BCL6: variants seen among roughly 807,000 people sequenced by gnomAD.
The protein encoded by BCL6 is BCL6 transcription repressor, also known as B-cell lymphoma 6 protein.
In BCL6, 7 loss-of-function variants were observed where a neutral mutation model predicts 59.5. The ratio of observed to expected loss-of-function variants is 0.12; its 90% CI spans 0.07 to 0.22. The LOEUF (loss-of-function observed/expected upper bound fraction) is 0.22, where lower values mean the gene tolerates loss of function less well. Among genes scored for constraint, BCL6 ranks in the 10% least tolerant of loss-of-function variants. The pLI, the probability that BCL6 is intolerant of heterozygous loss-of-function variation, is 1.00. For synonymous variants in BCL6, 339 were observed against 349.7 expected (o/e 0.97, Z 0.34); for missense variants, 685 against 939.4 (o/e 0.73, Z 3.54).
Position 187,722,404 on chromosome 3 carries a change from C to T in BCL6, c.*54G>A. 1 of 1,462,182 alleles carries T rather than the reference C, an allele frequency of 6.8e-7. No homozygotes were observed. 90.6% of individuals were successfully genotyped at this position (1,462,182 alleles called of 1,614,324 possible). ...GAACATTGTAAAGTGTTACAGTATC[C>T]TTTGGGTAGATTCTGAGAAGGGGCT... On this transcript the variant is annotated 3_prime_UTR_variant, in exon 10 of 10. Coordinates refer to ENST00000406870, the MANE Select transcript of BCL6 (RefSeq NM_001706.5).
rs2229362 is a variant in BCL6 at position 187,728,423 on chromosome 3, C to T, written c.1477G>A (p.Ala493Thr). 251,122 of 1,610,620 alleles carry T rather than the reference C, an allele frequency of 0.16. 22,858 individuals carry two copies. The highest frequency in any genetic ancestry group is 0.41 in the African/African-American group (31,045 of 74,808). The change falls in exon 6 of 10, where the codon GCT (alanine) becomes ACT (threonine). Residue 493 changes from alanine to threonine, a missense_variant. Ala to Thr is a moderately conservative substitution (Grantham distance 58, BLOSUM62 0). Coordinates refer to ENST00000406870, the MANE Select transcript of BCL6 (RefSeq NM_001706.5). ...ATCTCCTCAGGGAACGTGGGGCCAG[C>T]GGTGTGGAGGCACATCTCTGCATGC... ...PQHAEMCLHT[A>T]GPTFPEEMGE...
chr3:187,741,814 A>C (rs1560159052), intron 1 of BCL6, among the ~76,000 whole-genome samples: 1 of 152,128 alleles, frequency 6.6e-6, no homozygotes. Flanking sequence ...AAACTACAGC[A>C]TTTCCAGCCA....
At position 187,729,485 on chromosome 3, in the gene BCL6, G is replaced by C. The variant is rs779829722; in HGVS notation, c.920C>G (p.Ser307Cys). 6.2e-7 allele frequency: 1 copy of C among 1,612,870 alleles called. No individual in the cohort carries two copies. The highest frequency in any genetic ancestry group is 1.1e-5 in the South Asian group (1 of 91,044). Residue 307 changes from serine to cysteine, a missense_variant, in exon 5 of 10, where the codon TCC becomes TGC. Ser to Cys is a moderately radical substitution (Grantham distance 112). Around this residue, in one of 7 missense-constraint regions of BCL6, gnomAD observed 268 missense variants for 263.8 expected, o/e 1.02. Transcript: ENST00000406870. The surrounding 1 kb of genome is among the most constrained non-coding windows in gnomAD (Gnocchi z 5.6). ...DKASKEEERPSSEDEIALHFE... is the reference protein window; with the variant it reads ...DKASKEEERPCSEDEIALHFE... ...ATGCAGGGCAATCTCATCTTCCGAG[G>C]AGGGTCTCTCTTCTTCTTTGCTGGC...
rs1718634214 is a variant in BCL6 at position 187,725,413 on chromosome 3, CACT to C, written c.1839+83_1839+85del. Reference sequence around the variant, plus strand: ...TGCCTGCCCGCTCCACTTGCCTGCCCACTCCTCCGCTTGCCTGCCCACTCCTCC... The same window carrying C: ...TGCCTGCCCGCTCCACTTGCCTGCCCCCTCCGCTTGCCTGCCCACTCCTCC... On this transcript the variant is annotated intron_variant, in intron 8 of 9. Transcript: ENST00000406870. The surrounding 1 kb of genome is among the most constrained non-coding windows in gnomAD (Gnocchi z 4.7). 4 of 1,576,084 alleles carry C rather than the reference CACT, an allele frequency of 2.5e-6. No homozygotes were observed. Among genetic ancestry groups the C allele is most frequent in the Admixed American group, 1.8e-5 (1 of 56,998 alleles).
At chr3:187,740,058 C>T (rs1455209360) in intron 1 of BCL6, among the ~76,000 whole-genome samples, 1 of 152,196 alleles carries the variant, frequency 6.6e-6, no homozygotes, top group East Asian at 1.9e-4. Flanking sequence ...CCCGCCGACC[C>T]GGGCGGGGGC....
chr3:187,744,446 A>G (rs1461574508), intron 1 of BCL6, among the ~76,000 whole-genome samples: 4 of 152,242 alleles, frequency 2.6e-5, no homozygotes, highest in African/African-American at 9.6e-5. Context: ...AAAGTGTTCA[A>G]CATCCCCGCC....
rs1718615577 is a variant in BCL6 at position 187,725,202 on chromosome 3, G to A, written c.1840-124C>T. 4.3e-6 allele frequency: 6 copies of A among 1,408,994 alleles called. No individual in the cohort carries two copies. The highest frequency in any genetic ancestry group is 1.4e-5 in the African/African-American group (1 of 70,412). The allele number at this position is 1,408,994 out of a possible 1,614,324, so 87.3% of individuals were successfully genotyped here. A position where few individuals can be genotyped will look rare whatever the true frequency, so the allele number is the denominator to read the frequency against. On this transcript the variant is annotated intron_variant, in intron 8 of 9. Transcript: ENST00000406870. The surrounding 1 kb of genome is among the most constrained non-coding windows in gnomAD (Gnocchi z 4.7). ...GGCCACTCTGCTCACCTGCACACAG[G>A]GACTGAGTGGGCCTTTCTGCTGCCC...
At chr3:187,737,644 CCCG>C (rs1719353000) in intron 1 of BCL6, 1 of 152,638 alleles carries the variant, frequency 6.6e-6, no homozygotes, top group Non-Finnish European at 1.5e-5. Flanking sequence ...CTCGAAGCCC[CCCG>C]CAAGGCGCGA....
rs188895576 is a variant in BCL6 at position 187,739,988 on chromosome 3, G to A, written c.-49-5081C>T. Among the ~76,000 whole-genome samples the A allele has an allele frequency of 7.4e-4, 112 of 152,294 alleles. 2 individuals are homozygous for A. In the East Asian group the frequency reaches 0.016, roughly 22 times the overall value. ...CAGATTCGTTTCCAGTCCGAACAGA[G>A]GCGCGTTTCTCCGACGCGGCCTCCG... On this transcript the variant is annotated intron_variant, in intron 1 of 9. Coordinates refer to ENST00000406870, the MANE Select transcript of BCL6 (RefSeq NM_001706.5).
In BCL6 at chr3:187,722,331, C is replaced by CCCCCCCAAA; in HGVS notation, c.*126_*127insTTTGGGGGG. ...CCCGACCCCCACCACCCCCAACCCC[C>CCCCCCCAAA]AGCTATGATTTGCACTAGTGGATGA... On this transcript the variant is annotated 3_prime_UTR_variant, in exon 10 of 10. Transcript: ENST00000406870. 1.2e-6 allele frequency: 1 copy of CCCCCCCAAA among 864,904 alleles called. No individual in the cohort carries two copies. The highest frequency in any genetic ancestry group is 4.5e-5 in the Admixed American group (1 of 22,432). 53.6% of individuals were successfully genotyped at this position (864,904 alleles called of 1,614,324 possible).
chr3:187,722,559 G>T lies in BCL6; in HGVS notation c.2020C>A (p.Arg674=). ...CCATGCTTCTGGCGCAAGTGAAGTCGCAGCTGGCTTTTGTGACGGAAATGC... is the reference window on the plus strand; with the variant it reads ...CCATGCTTCTGGCGCAAGTGAAGTCTCAGCTGGCTTTTGTGACGGAAATGC... ...NLHFRHKSQL[R]LHLRQKHGAI... is the part of the protein sequence containing the mutation. The change falls in exon 10 of 10, where the codon CGA becomes AGA. Residue 674 remains arginine, a synonymous_variant. Coordinates refer to ENST00000406870, the MANE Select transcript of BCL6 (RefSeq NM_001706.5). 1 of 1,613,872 alleles carries T rather than the reference G, an allele frequency of 6.2e-7. No homozygotes were observed. The highest frequency in any genetic ancestry group is 1.1e-5 in the South Asian group (1 of 91,046).
At position 187,722,318 on chromosome 3, in the gene BCL6, C is replaced by CCCCCCCCCA; in HGVS notation, c.*139_*140insTGGGGGGGG. ...CAGTCCCCCAGGCCCCGACCCCCAC[C>CCCCCCCCCA]ACCCCCAACCCCCAGCTATGATTTG... On this transcript the variant is annotated 3_prime_UTR_variant, in exon 10 of 10. Coordinates refer to ENST00000406870, the MANE Select transcript of BCL6 (RefSeq NM_001706.5). The CCCCCCCCCA allele has an allele frequency of 4.3e-6, 2 of 461,322 alleles. No homozygotes were observed. The highest frequency in any genetic ancestry group is 4.6e-5 in the East Asian group (1 of 21,648). 28.6% of individuals were successfully genotyped at this position (461,322 alleles called of 1,614,324 possible). A position where few individuals can be genotyped will look rare whatever the true frequency, so the allele number is the denominator to read the frequency against.
Position 187,729,895 on chromosome 3 carries a change from C to T in BCL6, c.510G>A (p.Arg170=), listed in dbSNP as rs1272043357. 2 of 1,614,024 alleles carry T rather than the reference C, an allele frequency of 1.2e-6. No homozygotes were observed. Among genetic ancestry groups the T allele is most frequent in the African/African-American group, 2.7e-5 (2 of 74,916 alleles). ...CTCTGCTCTCACACCCAGGGGCGCT[C>T]CTCAGTGGCAGGTTGTTCTCCACCA... ...REVVENNLPL[R]SAPGCESRAF... The change falls in exon 5 of 10, where the codon AGG becomes AGA. Residue 170 remains arginine (R), a synonymous_variant. Coordinates refer to ENST00000406870, the MANE Select transcript of BCL6 (RefSeq NM_001706.5). This position sits in a 1 kb window ranked among gnomAD's most constrained non-coding sequence, Gnocchi z 5.6.
At position 187,721,685 on chromosome 3, in the gene BCL6, T is replaced by C. The variant is rs1245969513; in HGVS notation, c.*773A>G. 4.3e-6 allele frequency: 1 copy of C among 232,538 alleles called. No individual in the cohort carries two copies. The highest frequency in any genetic ancestry group is 2.2e-5 in the African/African-American group (1 of 45,376). 14.4% of individuals were successfully genotyped at this position (232,538 alleles called of 1,614,324 possible). A position where few individuals can be genotyped will look rare whatever the true frequency, so the allele number is the denominator to read the frequency against. On this transcript the variant is annotated 3_prime_UTR_variant, in exon 10 of 10. Transcript: ENST00000406870. This position sits in a 1 kb window ranked among gnomAD's most constrained non-coding sequence, Gnocchi z 4.2. ...CTGAAAACTAGAACAAAATTACACATTTTTCCTTCTGCAGATTTTTTTGTT... is the reference window on the plus strand; with the variant it reads ...CTGAAAACTAGAACAAAATTACACACTTTTCCTTCTGCAGATTTTTTTGTT...
rs919350164 is a variant in BCL6 at position 187,722,751 on chromosome 3, G to T, written c.1978-150C>A. On this transcript the variant is annotated intron_variant, in intron 9 of 9. Coordinates refer to ENST00000406870, the MANE Select transcript of BCL6 (RefSeq NM_001706.5). ...AGGTGAAGAACCCATATGCATCCGGGCTTCTGCCGACAGATAAGCTAGCGT... is the reference window on the plus strand; with the variant it reads ...AGGTGAAGAACCCATATGCATCCGGTCTTCTGCCGACAGATAAGCTAGCGT... The T allele has an allele frequency of 2.0e-5, 19 of 969,454 alleles. No homozygotes were observed. The African/African-American group carries it at 2.2e-4, about 11-fold the overall frequency. 60.1% of individuals were successfully genotyped at this position (969,454 alleles called of 1,614,324 possible).
At chr3:187,727,520 C>T (rs1431174965) in intron 6 of BCL6, among the ~76,000 whole-genome samples, 1 of 152,236 alleles carries the variant, frequency 6.6e-6, no homozygotes, top group East Asian at 1.9e-4. Flanking sequence ...GTCTCCAAAT[C>T]CTCCTGTGAG....
At chr3:187,734,845 A>C (rs1719215678) in intron 2 of BCL6, 24 bp downstream of exon 2, 1 of 152,686 alleles carries the variant, frequency 6.5e-6, no homozygotes, top group Non-Finnish European at 1.5e-5. Flanking sequence ...CAACATTTTA[A>C]AGCATATAAT....
At chr3:187,733,922 C>G in intron 2 of BCL6, 1 of 558,784 alleles carries the variant, frequency 1.8e-6, no homozygotes, top group Non-Finnish European at 3.2e-6. Context: ...ATAGAAAGCC[C>G]TTTAGGGGAA....
chr3:187,731,882 A>G lies in BCL6; in HGVS notation c.210T>C (p.Ser70=), dbSNP rs1719064195. 4 of 1,614,160 alleles carry G rather than the reference A, an allele frequency of 2.5e-6. No individual in the cohort carries two copies. In the African/African-American group the frequency reaches 4.0e-5, roughly 16 times the overall value. Residue 70 remains serine, a synonymous_variant, in exon 4 of 10, where the codon AGT becomes AGC. Coordinates refer to ENST00000406870, the MANE Select transcript of BCL6 (RefSeq NM_001706.5). ...IFTDQLKCNL[S]VINLDPEINP... is the part of the protein sequence containing the mutation. The stretch of plus-strand genomic sequence containing the variant: ...TGATCTCAGGATCTAGATTGATCAC[A>G]CTAAGGTTGCATTTCAACTGGTCTG...
Sources: allele counts gnomAD v4.1 joint callset (sites outside exome capture counted in the v4.1 genomes callset), GRCh38; gene constraint gnomAD v4.1.1; regional missense constraint gnomAD v4.1.1; non-coding constraint Gnocchi (gnomAD v3.1); transcripts MANE v1.5; gene names NCBI Gene and HGNC (gene_info 2026-07-23, HGNC 2026-07-21).